The following DMD variants were observed in gnomAD, a reference collection of about 807,000 sequenced individuals.
The protein encoded by DMD is dystrophin.
In DMD, 63 loss-of-function variants were observed where a neutral mutation model predicts 330.1. That is an observed-to-expected ratio of 0.19 (90% CI 0.16 to 0.24). The LOEUF is 0.24. Ranked by LOEUF, DMD falls within the 10% of genes least tolerant of loss-of-function variation. DMD has a pLI of 1.00. For missense variants in DMD, 3,344 were observed against 2,684.1 expected (o/e 1.25, Z -5.43); for synonymous variants, 1,223 against 959.8 (o/e 1.27, Z -5.07).
In DMD at chrX:32,884,235, C is replaced by A. The variant is rs1008003048; in HGVS notation, c.94-34415G>T. 5.4e-5 allele frequency among the ~76,000 whole-genome samples: 6 copies of A among 111,458 alleles called. No individual in the cohort carries two copies. In the Admixed American group the frequency reaches 5.8e-4, roughly 11 times the overall value. ...TAGTGGTTCAACCTATACAAACATA[C>A]CACCCAGGGAATACAGCAGGCCCAG... is the stretch of plus-strand genomic sequence containing the variant. On this transcript the variant is annotated intron_variant, in intron 2 of 78. Coordinates refer to ENST00000357033, the MANE Select transcript of DMD (RefSeq NM_004006.3).
intron 67 of DMD, among the ~76,000 whole-genome samples, chrX:31,188,471 A>G (rs2042025158): frequency 8.9e-6 from 1 of 112,220 alleles, no homozygotes; most frequent in Non-Finnish European, 1.9e-5. Context: ...GTTGAGATAC[A>G]TATAAGTCTC....
chrX:31,737,602 G>A (rs982119484), intron 51 of DMD, among the ~76,000 whole-genome samples: 1 of 112,053 alleles, frequency 8.9e-6, no homozygotes, highest in African/African-American at 3.2e-5. Context: ...CCAACACAAG[G>A]ACCAAGCCAA....
Position 31,121,436 on chromosome X carries a change from G to GTGTGTA in DMD, c.*477_*482dup, listed in dbSNP as rs750325049. On this transcript the variant is annotated 3_prime_UTR_variant, in exon 79 of 79. Transcript: ENST00000357033. Reference sequence around the variant, plus strand: ...CGCTGCCTCAAAGTTTTGTGTGTGTGTGTGTATGTGTGTGTGTGTGTGTTT... The same window carrying GTGTGTA: ...CGCTGCCTCAAAGTTTTGTGTGTGTGTGTGTATGTGTATGTGTGTGTGTGTGTGTTT... 9.2e-6 allele frequency: 1 copy of GTGTGTA among 108,609 alleles called. No homozygotes were observed. The highest frequency in any genetic ancestry group is 9.7e-5 in the Admixed American group (1 of 10,298). The allele number at this position is 108,609 out of a possible 1,213,427, so 9.0% of individuals were successfully genotyped here.
At chrX:31,129,088 G>C (rs1168080987) in intron 77 of DMD, among the ~76,000 whole-genome samples, 1 of 111,079 alleles carries the variant, frequency 9.0e-6, no homozygotes, top group Non-Finnish European at 1.9e-5. Flanking sequence ...GTGTGCTGGG[G>C]CAGTCCTGAG....
At chrX:32,680,232 A>C (rs943022411) in intron 9 of DMD, among the ~76,000 whole-genome samples, 23 of 111,035 alleles carry the variant, frequency 2.1e-4, no homozygotes, top group African/African-American at 7.5e-4. Flanking sequence ...TACTCTTAAA[A>C]AACTAAGCTA....
At chrX:31,699,682 G>A (rs1349732933) in intron 52 of DMD, among the ~76,000 whole-genome samples, 1 of 111,407 alleles carries the variant, frequency 9.0e-6, no homozygotes, top group Non-Finnish European at 1.9e-5. Context: ...ATTGAGCTCT[G>A]GTTAATGACA....
chrX:31,396,919 A>C (rs2060973089), intron 60 of DMD, among the ~76,000 whole-genome samples: 1 of 111,422 alleles, frequency 9.0e-6, no homozygotes, highest in Non-Finnish European at 1.9e-5. Flanking sequence ...AGTACAGCCA[A>C]TTGATATAGT....
intron 55 of DMD, among the ~76,000 whole-genome samples, chrX:31,559,866 TCTTA>T (rs2075098141): frequency 9.0e-6 from 1 of 110,794 alleles, no homozygotes; most frequent in African/African-American, 3.3e-5. Flanking sequence ...ATCATGAACC[TCTTA>T]CTTGCTGAAA....
At chrX:32,312,701 G>T (rs2097567167) in intron 41 of DMD, among the ~76,000 whole-genome samples, 2 of 107,977 alleles carry the variant, frequency 1.9e-5, no homozygotes, top group South Asian at 8.3e-4. Context: ...GAAGAAAAGA[G>T]AAAAGAATCA....
intron 1 of DMD, among the ~76,000 whole-genome samples, chrX:33,297,807 G>A (rs935274325): frequency 9.0e-6 from 1 of 110,562 alleles, no homozygotes; most frequent in African/African-American, 3.3e-5. Flanking sequence ...GTAGAATAGC[G>A]GTTGCCAGGA....
chrX:32,879,855 AAGAC>A (rs1426491554), intron 2 of DMD, among the ~76,000 whole-genome samples: 4 of 111,375 alleles, frequency 3.6e-5, no homozygotes, highest in African/African-American at 1.3e-4. Flanking sequence ...CATCTTCAGA[AAGAC>A]AGAACAATGC....
intron 11 of DMD, among the ~76,000 whole-genome samples, chrX:32,640,028 C>A (rs1014947895): frequency 1.8e-5 from 2 of 109,150 alleles, no homozygotes; most frequent in Non-Finnish European, 3.8e-5. Flanking sequence ...ATAACAAGAC[C>A]TCATTCCCTG....
At chrX:31,423,300 G>A (rs2063538139) in intron 60 of DMD, among the ~76,000 whole-genome samples, 1 of 111,197 alleles carries the variant, frequency 9.0e-6, no homozygotes, top group African/African-American at 3.3e-5. Flanking sequence ...GTCAGGGAAG[G>A]AGAAAGAAAA....
intron 1 of DMD, among the ~76,000 whole-genome samples, chrX:33,298,792 C>T (rs1009175922): frequency 1.8e-5 from 2 of 111,546 alleles, no homozygotes; most frequent in African/African-American, 6.5e-5. Context: ...TGAGAGAAAA[C>T]AGAACACAGT....
At chrX:32,215,820 C>T (rs2097110248) in intron 44 of DMD, among the ~76,000 whole-genome samples, 1 of 111,856 alleles carries the variant, frequency 8.9e-6, no homozygotes, top group Non-Finnish European at 1.9e-5. Flanking sequence ...TACATTTCCT[C>T]TCTATACAAA....
chrX:31,219,507 T>A lies in DMD; in HGVS notation c.9361+3540A>T, dbSNP rs768826762. On this transcript the variant is annotated intron_variant, in intron 64 of 78. Transcript: ENST00000357033. ...CACTCCATACAAAAAATGGAAGCCT[T>A]TATAGTAAGACATCCTTCACCTTGC... 3.6e-5 allele frequency among the ~76,000 whole-genome samples: 4 copies of A among 110,945 alleles called. No homozygotes were observed. In the East Asian group the frequency reaches 8.5e-4, roughly 24 times the overall value.
At chrX:32,361,715 T>C (rs1471690614) in intron 37 of DMD, among the ~76,000 whole-genome samples, 2 of 111,776 alleles carry the variant, frequency 1.8e-5, no homozygotes, top group Non-Finnish European at 3.8e-5. Context: ...ACCATGCTAT[T>C]ACTGGTTGCT....
At chrX:31,687,312 G>A in intron 52 of DMD, among the ~76,000 whole-genome samples, 1 of 111,253 alleles carries the variant, frequency 9.0e-6, no homozygotes, top group Non-Finnish European at 1.9e-5. Context: ...ACTTTGTCTT[G>A]CCCCTTAGGT....
At chrX:32,888,379 G>A (rs2084875097) in intron 2 of DMD, among the ~76,000 whole-genome samples, 1 of 110,528 alleles carries the variant, frequency 9.0e-6, no homozygotes, top group African/African-American at 3.3e-5. Context: ...CAACGAGCAT[G>A]TCTTAAGGGA....
Sources: allele counts gnomAD v4.1 joint callset (sites outside exome capture counted in the v4.1 genomes callset), GRCh38; gene constraint gnomAD v4.1.1; transcripts MANE v1.5; gene names NCBI Gene and HGNC (gene_info 2026-07-23, HGNC 2026-07-21).